The following EDIL3 variants were observed in gnomAD, a reference collection of about 807,000 sequenced individuals.
EDIL3 encodes the protein EGF like and discoidin domains 3.
A neutral mutation model predicts 67.4 loss-of-function variants in EDIL3; 37 were observed. That is an observed-to-expected ratio of 0.55 (90% confidence interval 0.42 to 0.72). The LOEUF is 0.72. Among genes scored for constraint, EDIL3 ranks in the 30% least tolerant of loss-of-function variants. The pLI, the probability that EDIL3 is intolerant of heterozygous loss-of-function variation, is 0.00. For missense variants in EDIL3, 527 were observed against 586.3 expected (o/e 0.90, Z 1.04); for synonymous variants, 195 against 196.3 (o/e 0.99, Z 0.05).
At chr5:84,083,945 A>G (rs574826310) in intron 6 of EDIL3, among the ~76,000 whole-genome samples, 5 of 152,170 alleles carry the variant, frequency 3.3e-5, no homozygotes, top group Non-Finnish European at 5.9e-5. Flanking sequence ...AATAAATTGG[A>G]TGATTCTGGT....
At chr5:84,074,702 G>A (rs945176472) in intron 6 of EDIL3, among the ~76,000 whole-genome samples, 9 of 151,926 alleles carry the variant, frequency 5.9e-5, no homozygotes, top group Non-Finnish European at 1.0e-4. Flanking sequence ...GGAAACAACA[G>A]GTGCTGGAGA....
At chr5:84,072,068 AAC>A (rs1247050113) in intron 6 of EDIL3, among the ~76,000 whole-genome samples, 18 of 152,178 alleles carry the variant, frequency 1.2e-4, no homozygotes, top group African/African-American at 4.3e-4. Flanking sequence ...ATCAGAGGAA[AAC>A]ACAGAATTAA....
At chr5:84,151,916 T>C (rs1748402029) in intron 4 of EDIL3, among the ~76,000 whole-genome samples, 1 of 151,728 alleles carries the variant, frequency 6.6e-6, no homozygotes, top group East Asian at 1.9e-4. Flanking sequence ...TTCTTTTTTT[T>C]TTTTTTCTTT....
chr5:84,334,669 T>C (rs1305681364), intron 1 of EDIL3, among the ~76,000 whole-genome samples: 1 of 152,186 alleles, frequency 6.6e-6, no homozygotes, highest in Non-Finnish European at 1.5e-5. Flanking sequence ...GCTTAAAGTA[T>C]CATCATCAAA....
At chr5:84,028,405 T>C (rs1413776993) in intron 9 of EDIL3, among the ~76,000 whole-genome samples, 2 of 152,176 alleles carry the variant, frequency 1.3e-5, no homozygotes, top group East Asian at 3.8e-4. Flanking sequence ...TAGTGAGTTA[T>C]TATTGAAAAG....
chr5:84,215,274 G>C (rs1415017748), intron 3 of EDIL3, among the ~76,000 whole-genome samples: 1 of 151,580 alleles, frequency 6.6e-6, no homozygotes, highest in Non-Finnish European at 1.5e-5. Flanking sequence ...TTTTTCTTGA[G>C]ACGGAGTTTT....
At chr5:84,140,824 T>C (rs1433635988) in intron 4 of EDIL3, among the ~76,000 whole-genome samples, 1 of 152,138 alleles carries the variant, frequency 6.6e-6, no homozygotes. Context: ...TCTGCATAGG[T>C]ACATACCCAG....
At chr5:84,095,128 G>A (rs992966628) in intron 6 of EDIL3, among the ~76,000 whole-genome samples, 3 of 152,012 alleles carry the variant, frequency 2.0e-5, no homozygotes, top group Non-Finnish European at 4.4e-5. Flanking sequence ...TGTAACTCAG[G>A]GCAGTACAAA....
chr5:84,180,436 A>G lies in EDIL3; in HGVS notation c.312T>C (p.Val104=), dbSNP rs151132765. The change falls in exon 4 of 11, where the codon GTT becomes GTC. Residue 104 remains valine, a synonymous_variant. Coordinates refer to ENST00000296591, the MANE Select transcript of EDIL3 (RefSeq NM_005711.5). The part of the protein sequence containing the change: ...AYRGDTFIGY[V]CKCPRGFNGI... ...CATTAAATCCTCGGGGACATTTACAAACATAGCCTATGAATGTATCCCCTC... is the reference window on the plus strand; with the variant it reads ...CATTAAATCCTCGGGGACATTTACAGACATAGCCTATGAATGTATCCCCTC... 2.0e-4 allele frequency: 328 copies of G among 1,608,708 alleles called. No individual in the cohort carries two copies. Among genetic ancestry groups the G allele is most frequent in the Middle Eastern group, 2.0e-3 (12 of 6,040 alleles).
chr5:84,081,676 C>G (rs2301094), intron 6 of EDIL3, among the ~76,000 whole-genome samples: 52,750 of 151,978 alleles, frequency 0.35, 9,408 homozygotes, highest in East Asian at 0.46. Flanking sequence ...TGCCAATAAG[C>G]ATTGGCTCTT....
chr5:84,013,069 T>C (rs1251406245), intron 9 of EDIL3, among the ~76,000 whole-genome samples: 1 of 152,008 alleles, frequency 6.6e-6, no homozygotes, highest in Non-Finnish European at 1.5e-5. Context: ...AATTTTTAAA[T>C]AATAAAAACT....
At chr5:84,157,457 G>GT (rs1386233501) in intron 4 of EDIL3, among the ~76,000 whole-genome samples, 33 of 152,136 alleles carry the variant, frequency 2.2e-4, no homozygotes, top group Non-Finnish European at 4.4e-5. Flanking sequence ...GGACCATGGT[G>GT]TAATTGAAAA....
At chr5:84,020,091 A>AC (rs1745686324) in intron 9 of EDIL3, among the ~76,000 whole-genome samples, 1 of 147,864 alleles carries the variant, frequency 6.8e-6, no homozygotes, top group South Asian at 2.1e-4. Context: ...AAAAAAAAAA[A>AC]CGCAACAAAC....
intron 1 of EDIL3, among the ~76,000 whole-genome samples, chr5:84,267,719 G>A (rs1701887017): frequency 6.6e-6 from 1 of 152,078 alleles, no homozygotes; most frequent in African/African-American, 2.4e-5. Flanking sequence ...TTATGTATAT[G>A]CTCTCTTACC....
At chr5:83,989,289 T>A (rs1205158141) in intron 9 of EDIL3, among the ~76,000 whole-genome samples, 1 of 152,182 alleles carries the variant, frequency 6.6e-6, no homozygotes, top group Non-Finnish European at 1.5e-5. Context: ...AGGTCTGGAA[T>A]CTCCCTGATG....
At chr5:84,209,130 A>T (rs1395173100) in intron 3 of EDIL3, among the ~76,000 whole-genome samples, 1 of 152,040 alleles carries the variant, frequency 6.6e-6, no homozygotes, top group Non-Finnish European at 1.5e-5. Flanking sequence ...CAAGGACAAA[A>T]AACCAAACAC....
At chr5:84,130,391 C>A (rs1747942445) in intron 5 of EDIL3, among the ~76,000 whole-genome samples, 1 of 152,096 alleles carries the variant, frequency 6.6e-6, no homozygotes, top group African/African-American at 2.4e-5. Context: ...ATCTTGTACA[C>A]AGTTACGCTA....
chr5:83,969,550 A>G (rs1197043072), intron 9 of EDIL3, among the ~76,000 whole-genome samples: 1 of 151,802 alleles, frequency 6.6e-6, no homozygotes, highest in African/African-American at 2.4e-5. Context: ...TTCTTTTACT[A>G]TCAGAAGAAA....
At chr5:84,203,849 C>T (rs113746989) in intron 3 of EDIL3, among the ~76,000 whole-genome samples, 1,584 of 152,068 alleles carry the variant, frequency 0.01, 33 homozygotes, top group African/African-American at 0.036. Context: ...TAACTATATC[C>T]GAAGAGGGTA....
Sources: gnomAD v4.1 joint callset for allele counts (sites outside exome capture counted in the v4.1 genomes callset) on GRCh38, gnomAD v4.1.1 for gene constraint, MANE v1.5 for transcripts, NCBI Gene and HGNC (gene_info 2026-07-23, HGNC 2026-07-21) for gene names.